CNTN5: variants seen among roughly 807,000 people sequenced by gnomAD.
The protein encoded by CNTN5 is contactin 5, also known as contactin-5.
Under a neutral mutation model 129.1 loss-of-function variants are expected in CNTN5, and 77 were observed. That is an observed-to-expected ratio of 0.60 (90% confidence interval 0.50 to 0.72). CNTN5 has a LOEUF of 0.72. CNTN5 is among the 30% of genes least tolerant of loss of function. The pLI, the probability that CNTN5 is intolerant of heterozygous loss-of-function variation, is 0.00. For synonymous variants in CNTN5, 509 were observed against 465.6 expected (o/e 1.09, Z -1.20); for missense variants, 1,478 against 1,328.8 (o/e 1.11, Z -1.75).
intron 8 of CNTN5, among the ~76,000 whole-genome samples, chr11:99,989,829 G>A (rs1401416805): frequency 6.6e-6 from 1 of 152,094 alleles, no homozygotes; most frequent in Non-Finnish European, 1.5e-5. Flanking sequence ...ACAGTGGCAC[G>A]ATCTGGGCTC....
At chr11:99,358,287 G>A (rs1157353958) in intron 2 of CNTN5, among the ~76,000 whole-genome samples, 2 of 68,668 alleles carry the variant, frequency 2.9e-5, no homozygotes, top group Non-Finnish European at 6.7e-5. Flanking sequence ...GTAGAGATGG[G>A]GTTTCACCGT....
At chr11:99,239,924 G>A (rs1340239560) in intron 1 of CNTN5, among the ~76,000 whole-genome samples, 57 of 139,158 alleles carry the variant, frequency 4.1e-4, no homozygotes, top group Non-Finnish European at 7.2e-4. Flanking sequence ...GCGACAGAGC[G>A]AGACTCCGTC....
chr11:99,168,338 G>T (rs974379356), intron 1 of CNTN5, among the ~76,000 whole-genome samples: 1 of 152,110 alleles, frequency 6.6e-6, no homozygotes, highest in Non-Finnish European at 1.5e-5. Context: ...CCGAGGCCGG[G>T]GGGGTGGGGG....
intron 9 of CNTN5, among the ~76,000 whole-genome samples, chr11:100,005,787 A>C (rs969641638): frequency 6.6e-6 from 1 of 152,156 alleles, no homozygotes; most frequent in Admixed American, 6.6e-5. Flanking sequence ...ATATATCACA[A>C]AGTGTAATAT....
intron 2 of CNTN5, among the ~76,000 whole-genome samples, chr11:99,434,124 G>A (rs1230347632): frequency 6.6e-6 from 1 of 152,004 alleles, no homozygotes; most frequent in Non-Finnish European, 1.5e-5. Flanking sequence ...GGTCTAATTT[G>A]TTTTATTATT....
chr11:99,141,341 C>G (rs1465126899), intron 1 of CNTN5, among the ~76,000 whole-genome samples: 1 of 151,672 alleles, frequency 6.6e-6, no homozygotes, highest in African/African-American at 2.4e-5. Flanking sequence ...TCTTTGAGGT[C>G]AATGGTAATG....
chr11:99,826,287 C>G (rs1030833007), intron 4 of CNTN5, among the ~76,000 whole-genome samples: 1 of 152,016 alleles, frequency 6.6e-6, no homozygotes, highest in African/African-American at 2.4e-5. Flanking sequence ...TGAGGCATTA[C>G]AGTTCTGTTG....
intron 13 of CNTN5, among the ~76,000 whole-genome samples, chr11:100,158,615 A>G (rs1302831881): frequency 1.3e-5 from 2 of 151,862 alleles, no homozygotes; most frequent in Admixed American, 6.6e-5. Context: ...TATTAGAGAA[A>G]TGCAAATTTT....
chr11:99,901,405 C>G (rs1949353640), intron 6 of CNTN5, among the ~76,000 whole-genome samples: 1 of 152,060 alleles, frequency 6.6e-6, no homozygotes, highest in South Asian at 2.1e-4. Flanking sequence ...GTTCTCCCAC[C>G]TCAGTCTCTC....
chr11:99,449,233 C>T (rs1198028060), intron 2 of CNTN5, among the ~76,000 whole-genome samples: 1 of 152,130 alleles, frequency 6.6e-6, no homozygotes, highest in Non-Finnish European at 1.5e-5. Context: ...GTATGTTGAA[C>T]ATGTGTGAAT....
intron 2 of CNTN5, among the ~76,000 whole-genome samples, chr11:99,391,694 T>C (rs1000344617): frequency 6.6e-6 from 1 of 152,068 alleles, no homozygotes; most frequent in African/African-American, 2.4e-5. Flanking sequence ...ATTGAGATGA[T>C]ATTATTTATA....
chr11:99,368,999 T>A (rs2136126870), intron 2 of CNTN5, among the ~76,000 whole-genome samples: 1 of 151,856 alleles, frequency 6.6e-6, no homozygotes, highest in African/African-American at 2.4e-5. Flanking sequence ...TTGTCTAAGA[T>A]TAGGCCATCT....
At chr11:99,876,722 C>T (rs535947369) in intron 6 of CNTN5, among the ~76,000 whole-genome samples, 3 of 152,038 alleles carry the variant, frequency 2.0e-5, no homozygotes, top group Non-Finnish European at 4.4e-5. Context: ...ATGTCAATGC[C>T]CCTAAACCTT....
intron 1 of CNTN5, among the ~76,000 whole-genome samples, chr11:99,177,033 G>C (rs1173522363): frequency 2.0e-5 from 3 of 152,088 alleles, no homozygotes; most frequent in African/African-American, 7.2e-5. Flanking sequence ...TCCAGGTCTT[G>C]AACAGGTCAA....
intron 2 of CNTN5, among the ~76,000 whole-genome samples, chr11:99,475,130 CCCT>C (rs1443293679): frequency 1.9e-4 from 29 of 152,184 alleles, no homozygotes; most frequent in African/African-American, 6.7e-4. Context: ...GTAAGATCCA[CCCT>C]CATGAATGTG....
chr11:99,921,219 A>C (rs995690882), intron 7 of CNTN5, among the ~76,000 whole-genome samples: 2 of 152,174 alleles, frequency 1.3e-5, no homozygotes, highest in Admixed American at 6.5e-5. Flanking sequence ...ATCAAAGCCA[A>C]AGTCCCTACC....
chr11:99,695,938 C>T (rs922490014), intron 3 of CNTN5, among the ~76,000 whole-genome samples: 1 of 151,978 alleles, frequency 6.6e-6, no homozygotes, highest in Non-Finnish European at 1.5e-5. Flanking sequence ...TTAATACATA[C>T]AAAAGTTTTA....
intron 3 of CNTN5, among the ~76,000 whole-genome samples, chr11:99,654,968 G>A (rs1488635834): frequency 2.6e-5 from 4 of 152,020 alleles, no homozygotes; most frequent in Non-Finnish European, 5.9e-5. Context: ...AACTTATATG[G>A]GTTTAGAGTT....
chr11:100,105,168 A>G (rs1357046481), intron 13 of CNTN5, among the ~76,000 whole-genome samples: 1 of 152,202 alleles, frequency 6.6e-6, no homozygotes, highest in Admixed American at 6.6e-5. Context: ...CAAAAGCTTC[A>G]TGAACTTGCC....
Sources: allele counts gnomAD v4.1 joint callset (sites outside exome capture counted in the v4.1 genomes callset), GRCh38; gene constraint gnomAD v4.1.1; transcripts MANE v1.5; gene names NCBI Gene and HGNC (gene_info 2026-07-23, HGNC 2026-07-21).